CDKL4: variants seen among roughly 807,000 people sequenced by gnomAD.
CDKL4 encodes the protein cyclin dependent kinase like 4.
In CDKL4, 44 loss-of-function variants were observed where a neutral mutation model predicts 42.0. The observed-to-expected ratio is 1.05, with a 90% CI of 0.82 to 1.35. The LOEUF (loss-of-function observed/expected upper bound fraction) is 1.35. Among genes scored for constraint, CDKL4 ranks in the 40% most tolerant of loss-of-function variants. The pLI is 0.00. For synonymous variants in CDKL4, 120 were observed against 121.6 expected (o/e 0.99, Z 0.09); for missense variants, 393 against 369.9 (o/e 1.06, Z -0.51).
At chr2:39,202,082 A>T (rs1331912994) in intron 5 of CDKL4, among the ~76,000 whole-genome samples, 1 of 152,066 alleles carries the variant, frequency 6.6e-6, no homozygotes, top group Non-Finnish European at 1.5e-5. Flanking sequence ...AAATTTAAAA[A>T]TTAGCTGGGT....
At chr2:39,233,590 C>T (rs1461991682) in intron 1 of CDKL4, among the ~76,000 whole-genome samples, 2 of 152,056 alleles carry the variant, frequency 1.3e-5, no homozygotes, top group Admixed American at 1.3e-4. Flanking sequence ...ACTCTCTTGG[C>T]CTAGGATGAT....
chr2:39,190,517 A>G lies in CDKL4; in HGVS notation c.455-15T>C. 3.1e-6 allele frequency: 5 copies of G among 1,612,690 alleles called. No individual in the cohort carries two copies. The highest frequency in any genetic ancestry group is 4.2e-6 in the Non-Finnish European group (5 of 1,178,736). The stretch of plus-strand genomic sequence containing the variant: ...ATCTCCTGGAACTGCAAATGCATCA[A>G]TCAGATCAGGTAAGTCAATTCTCCC... On this transcript the variant is annotated splice_polypyrimidine_tract_variant and intron_variant, in intron 5 of 9. Transcript: ENST00000451199.
exon 2 of CDKL4, chr2:39,229,573 C>CA: frequency 6.7e-7 from 1 of 1,488,180 alleles, no homozygotes; most frequent in Admixed American, 2.0e-5. Context: ...GATTGACTTG[C>CA]AGTACAATGC....
chr2:39,202,123 T>C (rs1251388418), intron 5 of CDKL4, among the ~76,000 whole-genome samples: 1 of 152,020 alleles, frequency 6.6e-6, no homozygotes, highest in Non-Finnish European at 1.5e-5. Flanking sequence ...TCACAGCTAC[T>C]TGGGAGGCTG....
chr2:39,237,364 T>G (rs1679428420), intron 1 of CDKL4, among the ~76,000 whole-genome samples: 1 of 152,160 alleles, frequency 6.6e-6, no homozygotes, highest in African/African-American at 2.4e-5. Flanking sequence ...TCATTCATGA[T>G]GAATACAAGG....
intron 1 of CDKL4, among the ~76,000 whole-genome samples, chr2:39,230,110 T>G (rs533351044): frequency 3.5e-4 from 54 of 152,368 alleles, no homozygotes; most frequent in African/African-American, 1.3e-3. Context: ...CCAGGCACAG[T>G]GGCTCAAGCC....
chr2:39,247,077 C>A (rs909305026), upstream of CDKL4, among the ~76,000 whole-genome samples: 2 of 152,120 alleles, frequency 1.3e-5, no homozygotes, highest in African/African-American at 4.8e-5. Context: ...CTTCCGTTTG[C>A]CTTTATTCAT....
At chr2:39,222,520 G>A (rs1678437947) in intron 3 of CDKL4, among the ~76,000 whole-genome samples, 1 of 152,062 alleles carries the variant, frequency 6.6e-6, no homozygotes, top group Non-Finnish European at 1.5e-5. Context: ...AGCCCAGGAG[G>A]TAGAGGCTGC....
intron 8 of CDKL4, among the ~76,000 whole-genome samples, chr2:39,182,723 A>T (rs1675508855): frequency 6.6e-6 from 1 of 152,196 alleles, no homozygotes; most frequent in South Asian, 2.1e-4. Flanking sequence ...TTCTTGATGG[A>T]CCAGCTGAAG....
At chr2:39,213,328 A>C in intron 4 of CDKL4, 72 bp downstream of exon 4, 1 of 1,047,198 alleles carries the variant, frequency 9.5e-7, no homozygotes, top group Admixed American at 2.0e-5. Context: ...TCTCCAAACA[A>C]AACCCTGAGC....
intron 5 of CDKL4, among the ~76,000 whole-genome samples, chr2:39,197,406 T>C (rs1199993194): frequency 6.6e-6 from 1 of 152,084 alleles, no homozygotes; most frequent in Non-Finnish European, 1.5e-5. Flanking sequence ...GAAAACATAT[T>C]TGAGGGAATA....
chr2:39,203,030 C>T (rs1425056103), intron 5 of CDKL4, among the ~76,000 whole-genome samples: 7 of 152,150 alleles, frequency 4.6e-5, no homozygotes, highest in Non-Finnish European at 1.0e-4. Context: ...ACAGTGGGTT[C>T]ACCATTCAGA....
intron 3 of CDKL4, among the ~76,000 whole-genome samples, chr2:39,215,639 A>C (rs1677871642): frequency 6.6e-6 from 1 of 152,238 alleles, no homozygotes; most frequent in African/African-American, 2.4e-5. Flanking sequence ...TAAAAATTGA[A>C]CATGTGCAGA....
chr2:39,196,181 C>G (rs576933657), intron 5 of CDKL4, among the ~76,000 whole-genome samples: 1 of 152,096 alleles, frequency 6.6e-6, no homozygotes. Flanking sequence ...AAAACTAGTG[C>G]GCATAACAAA....
chr2:39,189,471 G>A (rs1302717099), intron 6 of CDKL4, among the ~76,000 whole-genome samples: 2 of 152,162 alleles, frequency 1.3e-5, no homozygotes, highest in Admixed American at 6.5e-5. Context: ...TGAAAAAGAT[G>A]ATGCGTATGA....
intron 2 of CDKL4, among the ~76,000 whole-genome samples, chr2:39,227,480 A>G (rs767798484): frequency 6.6e-6 from 1 of 152,176 alleles, no homozygotes; most frequent in Non-Finnish European, 1.5e-5. Context: ...ATACATTAAA[A>G]ATATGCCCAG....
chr2:39,217,021 A>G (rs1677963150), intron 3 of CDKL4, among the ~76,000 whole-genome samples: 1 of 152,082 alleles, frequency 6.6e-6, no homozygotes, highest in Non-Finnish European at 1.5e-5. Context: ...AAAGAGAACC[A>G]CAAACCAACA....
chr2:39,240,679 A>C (rs933718127), intron 1 of CDKL4, among the ~76,000 whole-genome samples: 1 of 140,386 alleles, frequency 7.1e-6, no homozygotes, highest in Non-Finnish European at 1.6e-5. Context: ...ATGAACATTA[A>C]AAAAAAAAAA....
intron 9 of CDKL4, among the ~76,000 whole-genome samples, chr2:39,177,418 T>C (rs997471104): frequency 2.0e-5 from 3 of 151,316 alleles, no homozygotes; most frequent in African/African-American, 7.3e-5. Context: ...TTTTTTTTTT[T>C]TTTGAGATGG....
Sources: gnomAD v4.1 joint callset for allele counts (sites outside exome capture counted in the v4.1 genomes callset) on GRCh38, gnomAD v4.1.1 for gene constraint, MANE v1.5 for transcripts, NCBI Gene and HGNC (gene_info 2026-07-23, HGNC 2026-07-21) for gene names.